The following EIF4G3 variants were observed in gnomAD, a reference collection of about 807,000 sequenced individuals.
EIF4G3 encodes eIF-4-gamma 3.
A neutral mutation model predicts 186.4 loss-of-function variants in EIF4G3; 34 were observed. That is an observed-to-expected ratio of 0.18 (90% CI 0.14 to 0.24). The LOEUF is 0.24. EIF4G3 is among the 10% of genes least tolerant of loss of function. The pLI is 1.00. For synonymous variants in EIF4G3, 673 were observed against 679.5 expected (o/e 0.99, Z 0.15); for missense variants, 1,536 against 1,948.5 (o/e 0.79, Z 3.99).
intron 4 of EIF4G3, among the ~76,000 whole-genome samples, chr1:21,046,771 G>A (rs528318877): frequency 3.3e-5 from 5 of 152,224 alleles, no homozygotes; most frequent in African/African-American, 9.6e-5. Flanking sequence ...ACTTTTATCC[G>A]AACATCAGAA....
chr1:21,117,747 A>T (rs2096852555), intron 2 of EIF4G3, among the ~76,000 whole-genome samples: 1 of 149,220 alleles, frequency 6.7e-6, no homozygotes, highest in South Asian at 2.1e-4. Flanking sequence ...AAAAAAAAAA[A>T]AAAAAAAAAA....
At chr1:21,166,769 GTTTT>G (rs577621602) in intron 2 of EIF4G3, among the ~76,000 whole-genome samples, 6 of 151,502 alleles carry the variant, frequency 4.0e-5, no homozygotes, top group Admixed American at 6.6e-5. Context: ...TGAATTAAGG[GTTTT>G]TTTTGTTTGT....
chr1:21,084,982 GCTTA>G (rs2095912842), intron 3 of EIF4G3, among the ~76,000 whole-genome samples: 1 of 61,410 alleles, frequency 1.6e-5, no homozygotes, highest in Non-Finnish European at 4.5e-5. Context: ...CACAGTAAAA[GCTTA>G]AGCTTAAGTA....
intron 3 of EIF4G3, among the ~76,000 whole-genome samples, chr1:21,071,294 C>G (rs929495845): frequency 2.0e-5 from 3 of 152,286 alleles, no homozygotes; most frequent in Non-Finnish European, 2.9e-5. Context: ...CACCTGTAGT[C>G]CCAGCTACTT....
Position 20,860,618 on chromosome 1 carries a change from C to G in EIF4G3, c.3112-101G>C, listed in dbSNP as rs549934511. ...CTACTGGAAAAGTACAAAATACCTA[C>G]AAAAGCTGTATTATGGCAGTTTCTC... is the stretch of plus-strand genomic sequence containing the variant. On this transcript the variant is annotated intron_variant, in intron 23 of 36. Coordinates refer to ENST00000602326, the MANE Select transcript of EIF4G3 (RefSeq NM_001391906.1). The G allele has an allele frequency of 2.6e-5, 35 of 1,321,634 alleles. 2 individuals carry two copies. In the South Asian group the frequency reaches 4.9e-4, roughly 19 times the overall value. The allele number at this position is 1,321,634 out of a possible 1,614,324, so 81.9% of individuals were successfully genotyped here. A position where few individuals can be genotyped will look rare whatever the true frequency, so the allele number is the denominator to read the frequency against.
intron 24 of EIF4G3, among the ~76,000 whole-genome samples, chr1:20,858,953 G>A (rs1031160419): frequency 3.3e-5 from 5 of 152,162 alleles, no homozygotes; most frequent in African/African-American, 9.6e-5. Context: ...CCGAGATCGC[G>A]CTACTGCACT....
chr1:20,978,244 A>C (rs2077243899), intron 10 of EIF4G3, among the ~76,000 whole-genome samples: 1 of 152,198 alleles, frequency 6.6e-6, no homozygotes, highest in Admixed American at 6.5e-5. Flanking sequence ...TACACAAGGA[A>C]TACTTCAACA....
At chr1:21,075,290 C>T (rs567028963) in intron 3 of EIF4G3, among the ~76,000 whole-genome samples, 2 of 151,870 alleles carry the variant, frequency 1.3e-5, no homozygotes, top group Non-Finnish European at 2.9e-5. Flanking sequence ...CACATAGGGC[C>T]GGGCAGGGTG....
At chr1:21,073,864 T>A (rs2095511719) in intron 3 of EIF4G3, 3 of 270,502 alleles carry the variant, frequency 1.1e-5, no homozygotes, top group African/African-American at 6.6e-5. Flanking sequence ...TGGAGTGCAG[T>A]GGTGTGATAA....
intron 2 of EIF4G3, among the ~76,000 whole-genome samples, chr1:21,106,113 G>A (rs2096613314): frequency 1.3e-5 from 2 of 150,730 alleles, no homozygotes; most frequent in African/African-American, 4.9e-5. Flanking sequence ...TATGCTGAGA[G>A]TAGCAATTAG....
At chr1:20,938,821 A>G (rs912280116) in intron 14 of EIF4G3, among the ~76,000 whole-genome samples, 2 of 152,088 alleles carry the variant, frequency 1.3e-5, no homozygotes, top group Admixed American at 1.3e-4. Context: ...TAATTTACAA[A>G]CTGCTGGCCA....
chr1:20,914,884 GA>G (rs199615532), intron 14 of EIF4G3, among the ~76,000 whole-genome samples: 11 of 152,288 alleles, frequency 7.2e-5, no homozygotes, highest in Non-Finnish European at 1.3e-4. Flanking sequence ...TATTTGAAAA[GA>G]ATGTGTATCT....
intron 2 of EIF4G3, among the ~76,000 whole-genome samples, chr1:21,163,782 GT>G (rs1219770151): frequency 6.6e-6 from 1 of 151,826 alleles, no homozygotes; most frequent in Non-Finnish European, 1.5e-5. Flanking sequence ...GTTTTGTTTT[GT>G]TTTTTTGAGA....
At chr1:20,947,645 A>C (rs2096024958) in intron 13 of EIF4G3, among the ~76,000 whole-genome samples, 1 of 152,160 alleles carries the variant, frequency 6.6e-6, no homozygotes, top group Non-Finnish European at 1.5e-5. Flanking sequence ...AGAAACAAAG[A>C]AAGAGAGTTA....
At chr1:20,971,122 C>T (rs1392081460) in intron 11 of EIF4G3, among the ~76,000 whole-genome samples, 1 of 152,048 alleles carries the variant, frequency 6.6e-6, no homozygotes, top group Non-Finnish European at 1.5e-5. Flanking sequence ...GGAGTTGGTG[C>T]TGTAAAGGAG....
chr1:21,010,419 C>CAAAAAA (rs11318361), intron 4 of EIF4G3, among the ~76,000 whole-genome samples: 18 of 99,856 alleles, frequency 1.8e-4, no homozygotes, highest in East Asian at 3.6e-4. Context: ...GACTCTGTCT[C>CAAAAAA]AAAAAAAAAA....
At chr1:21,014,635 C>CTTTTT (rs35432782) in intron 4 of EIF4G3, among the ~76,000 whole-genome samples, 1 of 128,176 alleles carries the variant, frequency 7.8e-6, no homozygotes. Flanking sequence ...AGACAAACAC[C>CTTTTT]TTTTTTTTTT....
rs182290763 is a variant in EIF4G3 at position 20,904,395 on chromosome 1, G to C, written c.1752+488C>G. Among the ~76,000 whole-genome samples the C allele has an allele frequency of 1.3e-4, 20 of 152,230 alleles. 1 individual carries two copies. Among genetic ancestry groups the C allele is most frequent in the African/African-American group, 4.8e-4 (20 of 41,532 alleles). On this transcript the variant is annotated intron_variant, in intron 15 of 36. Transcript: ENST00000602326. Reference sequence around the variant, plus strand: ...ATGTTTCACTGTGTTGCCCAGGCTGGAGTGCAGTGGCATGATCACATCTCA... The same window carrying C: ...ATGTTTCACTGTGTTGCCCAGGCTGCAGTGCAGTGGCATGATCACATCTCA...
chr1:21,064,043 C>CTCTGTGTT (rs1175458050), intron 3 of EIF4G3, among the ~76,000 whole-genome samples: 5 of 151,996 alleles, frequency 3.3e-5, no homozygotes, highest in African/African-American at 9.7e-5. Flanking sequence ...TCATACTTTT[C>CTCTGTGTT]TCTGTGTTTC....
Sources: gnomAD v4.1 joint callset for allele counts (sites outside exome capture counted in the v4.1 genomes callset) on GRCh38, gnomAD v4.1.1 for gene constraint, MANE v1.5 for transcripts, NCBI Gene and HGNC (gene_info 2026-07-23, HGNC 2026-07-21) for gene names.